Variants in GON4L observed in about 807,000 individuals in gnomAD.
GON4L encodes the protein GON-4-like protein.
Under a neutral mutation model 211.8 loss-of-function variants are expected in GON4L, and 87 were observed. The ratio of observed to expected loss-of-function variants is 0.41; its 90% CI spans 0.35 to 0.49. The LOEUF is 0.49. GON4L is among the 20% of genes least tolerant of loss of function. GON4L has a pLI of 0.15. For missense variants in GON4L, 2,155 were observed against 2,659.5 expected (o/e 0.81, Z 4.17); for synonymous variants, 875 against 962.6 (o/e 0.91, Z 1.68).
At chr1:155,794,728 T>C (rs1665912445) in intron 12 of GON4L, among the ~76,000 whole-genome samples, 1 of 152,216 alleles carries the variant, frequency 6.6e-6, no homozygotes, top group Non-Finnish European at 1.5e-5. Flanking sequence ...ACAGCATTTA[T>C]CACTTTGTAT....
chr1:155,821,127 G>A (rs1468840027), intron 5 of GON4L, among the ~76,000 whole-genome samples: 2 of 151,898 alleles, frequency 1.3e-5, no homozygotes, highest in East Asian at 1.9e-4. Context: ...TTAGCCGGGC[G>A]TGGTTGCAGG....
At chr1:155,755,164 G>A (rs1401546502) in intron 27 of GON4L, among the ~76,000 whole-genome samples, 6 of 149,222 alleles carry the variant, frequency 4.0e-5, no homozygotes, top group South Asian at 4.2e-4. Flanking sequence ...TCCACTCCCC[G>A]GGATCAAGCG....
chr1:155,834,416 G>C (rs1002391715), intron 2 of GON4L, among the ~76,000 whole-genome samples: 1 of 151,992 alleles, frequency 6.6e-6, no homozygotes, highest in African/African-American at 2.4e-5. Context: ...TGTTTCCATG[G>C]AGAAGAACCA....
At chr1:155,825,503 C>T (rs902279651) in intron 3 of GON4L, among the ~76,000 whole-genome samples, 8 of 150,030 alleles carry the variant, frequency 5.3e-5, no homozygotes, top group African/African-American at 2.0e-4. Context: ...ACCCGGAAGG[C>T]AGACACTGCA....
At chr1:155,832,176 G>A (rs538158866) in intron 2 of GON4L, among the ~76,000 whole-genome samples, 2 of 148,082 alleles carry the variant, frequency 1.4e-5, no homozygotes, top group South Asian at 4.3e-4. Context: ...TCGGGAGGCT[G>A]AGGCAAGAGA....
rs149603897 is a variant in GON4L at position 155,766,473 on chromosome 1, G to A, written c.3000C>T (p.Val1000=). 3.5e-4 allele frequency: 571 copies of A among 1,614,014 alleles called. 1 individual carries two copies. The highest frequency in any genetic ancestry group is 4.5e-4 in the Non-Finnish European group (527 of 1,180,046). The change falls in exon 21 of 32, where the codon GTC becomes GTT. Residue 1000 remains valine (V), a synonymous_variant. Transcript: ENST00000368331. ...TGGGTTGGATAAGGAGGGGCTTCAG[G>A]ACTGATGAACGCTTCTGTCTCCAAG... ...RKAWRQKRSS[V]LKPLLIQPSP...
At chr1:155,839,876 A>C (rs1206289191) in intron 2 of GON4L, among the ~76,000 whole-genome samples, 2 of 152,192 alleles carry the variant, frequency 1.3e-5, no homozygotes, top group African/African-American at 4.8e-5. Flanking sequence ...ATTACAAGAA[A>C]ATTTGCTTTT....
At chr1:155,769,461 A>G (rs1172188047) in intron 19 of GON4L, among the ~76,000 whole-genome samples, 1 of 152,192 alleles carries the variant, frequency 6.6e-6, no homozygotes, top group Non-Finnish European at 1.5e-5. Context: ...TCAGTGCAGC[A>G]AGCCCAGAGA....
At chr1:155,807,412 T>C (rs1044404262) in intron 10 of GON4L, among the ~76,000 whole-genome samples, 1 of 151,644 alleles carries the variant, frequency 6.6e-6, no homozygotes, top group Non-Finnish European at 1.5e-5. Context: ...AAAATATTTA[T>C]TTTAAAAAAA....
Position 155,814,162 on chromosome 1 carries a change from C to A in GON4L, c.1281+168G>T, listed in dbSNP as rs1006540314. 4.6e-5 allele frequency among the ~76,000 whole-genome samples: 7 copies of A among 152,162 alleles called. No homozygotes were observed. In the East Asian group the frequency reaches 7.7e-4, roughly 17 times the overall value. On this transcript the variant is annotated intron_variant, in intron 9 of 31. Coordinates refer to ENST00000368331, the MANE Select transcript of GON4L (RefSeq NM_001282860.2). ...CCCTTAATGAGAACTCAGAAAAGTT[C>A]TTTGGCTATCACTGAGTTCTAGCCT...
Position 155,766,011 on chromosome 1 carries a change from A to T in GON4L, c.3462T>A (p.Ile1154=). 2 of 1,614,164 alleles carry T rather than the reference A, an allele frequency of 1.2e-6. No homozygotes were observed. Among genetic ancestry groups the T allele is most frequent in the Non-Finnish European group, 1.7e-6 (2 of 1,180,024 alleles). ...TGTTACAGCCACCGCCAAGGCTCACAATCTTCACAGTGGTAGCAGGAACAG... is the reference window on the plus strand; with the variant it reads ...TGTTACAGCCACCGCCAAGGCTCACTATCTTCACAGTGGTAGCAGGAACAG... The part of the protein sequence containing the change: ...IFTVPATTVK[I]VSLGGGCNMI... The change falls in exon 21 of 32, where the codon ATT becomes ATA. Residue 1154 remains isoleucine, a synonymous_variant. Transcript: ENST00000368331.
chr1:155,799,413 G>A (rs1666415638), intron 11 of GON4L, among the ~76,000 whole-genome samples: 1 of 152,116 alleles, frequency 6.6e-6, no homozygotes, highest in Admixed American at 6.6e-5. Context: ...CAGCCTGGGT[G>A]ACAAGAGTGA....
intron 10 of GON4L, among the ~76,000 whole-genome samples, chr1:155,808,235 T>C (rs1380087373): frequency 6.6e-6 from 1 of 151,984 alleles, no homozygotes; most frequent in Non-Finnish European, 1.5e-5. Context: ...GATGGGGTTT[T>C]ACCATGTTGG....
intron 12 of GON4L, among the ~76,000 whole-genome samples, chr1:155,793,763 T>C (rs1251536950): frequency 6.6e-6 from 1 of 151,922 alleles, no homozygotes; most frequent in Non-Finnish European, 1.5e-5. Flanking sequence ...TACGTGCCAA[T>C]ACATTAGGCT....
chr1:155,763,743 C>T (rs1371666432), intron 21 of GON4L, among the ~76,000 whole-genome samples, 179 bp from the exon 22 acceptor site: 1 of 152,190 alleles, frequency 6.6e-6, no homozygotes, highest in Non-Finnish European at 1.5e-5. Context: ...TGGCTCACGC[C>T]TGTAATCCTG....
chr1:155,803,996 T>TA lies in GON4L; in HGVS notation c.1645+952dup, dbSNP rs373078193. Among the ~76,000 whole-genome samples, 267 of 152,320 alleles carry TA rather than the reference T, an allele frequency of 1.8e-3. 1 individual carries two copies. The highest frequency in any genetic ancestry group is 6.2e-3 in the African/African-American group (256 of 41,572). ...CTGGTTTCATTTCACCCCAGCAAGA[T>TA]AGAGTTAGGATTCTTTCACTTGCAT... On this transcript the variant is annotated intron_variant, in intron 11 of 31. Transcript: ENST00000368331.
chr1:155,820,475 T>C, intron 6 of GON4L, 131 bp downstream of exon 6: 2 of 694,134 alleles, frequency 2.9e-6, no homozygotes, highest in Non-Finnish European at 5.3e-6. Flanking sequence ...ACAATTCTAC[T>C]GTCTTTTATA....
intron 4 of GON4L, 31 bp downstream of exon 4, chr1:155,822,254 TC>T (rs1668801579): frequency 1.3e-6 from 2 of 1,552,220 alleles, no homozygotes; most frequent in South Asian, 1.1e-5. Context: ...AAAGTTCCCT[TC>T]CATTTACATA....
In GON4L at chr1:155,762,193, G is replaced by C; in HGVS notation, c.4908C>G (p.Thr1636=). 6.2e-7 allele frequency: 1 copy of C among 1,603,978 alleles called. No individual in the cohort carries two copies. The highest frequency in any genetic ancestry group is 8.5e-7 in the Non-Finnish European group (1 of 1,175,048). Residue 1636 remains threonine, a synonymous_variant, in exon 23 of 32, where the codon ACC becomes ACG. Coordinates refer to ENST00000368331, the MANE Select transcript of GON4L (RefSeq NM_001282860.2). ...KDLAFAQAYL[T]RVREALQHIP... ...ACAGGAAGCAGCATTTGCCTACCCTGGTCAGATAAGCTTGGGCAAAGGCCA... is the reference window on the plus strand; with the variant it reads ...ACAGGAAGCAGCATTTGCCTACCCTCGTCAGATAAGCTTGGGCAAAGGCCA...
Sources: allele counts gnomAD v4.1 joint callset (sites outside exome capture counted in the v4.1 genomes callset), GRCh38; gene constraint gnomAD v4.1.1; transcripts MANE v1.5; gene names NCBI Gene and HGNC (gene_info 2026-07-23, HGNC 2026-07-21).